The following TBC1D22B variants were observed in gnomAD, a reference collection of about 807,000 sequenced individuals.
TBC1D22B encodes TBC1 domain family member 22B.
A neutral mutation model predicts 69.1 loss-of-function variants in TBC1D22B; 32 were observed. The ratio of observed to expected loss-of-function variants is 0.46; its 90% confidence interval spans 0.35 to 0.62. The LOEUF (loss-of-function observed/expected upper bound fraction) is 0.62. Among genes scored for constraint, TBC1D22B ranks in the 20% least tolerant of loss-of-function variants. The pLI is 0.00. For missense variants in TBC1D22B, 462 were observed against 630.9 expected, an observed-to-expected ratio of 0.73 and a Z score of 2.87; for synonymous variants, 206 against 229.8, an observed-to-expected ratio of 0.90 and a Z score of 0.94.
chr6:37,298,815 G>C (rs1426822739), intron 8 of TBC1D22B, among the ~76,000 whole-genome samples: 1 of 151,998 alleles, frequency 6.6e-6, no homozygotes, highest in Middle Eastern at 3.2e-3. Context: ...AGAGTGTTGG[G>C]ATTACAGGCG....
intron 12 of TBC1D22B, among the ~76,000 whole-genome samples, chr6:37,324,651 T>C (rs1178808302): frequency 6.6e-6 from 1 of 151,284 alleles, no homozygotes; most frequent in Non-Finnish European, 1.5e-5. Flanking sequence ...AAAGTAAAAA[T>C]GAACAAAAAA....
At chr6:37,308,383 T>C (rs1460949967) in intron 8 of TBC1D22B, among the ~76,000 whole-genome samples, 1 of 152,222 alleles carries the variant, frequency 6.6e-6, no homozygotes, top group Non-Finnish European at 1.5e-5. Context: ...CCTCCCTTTC[T>C]CCACTGCTTT....
At chr6:37,314,105 T>G (rs1461729466) in intron 10 of TBC1D22B, among the ~76,000 whole-genome samples, 1 of 152,166 alleles carries the variant, frequency 6.6e-6, no homozygotes, top group Non-Finnish European at 1.5e-5. Context: ...TCCCCTTGGT[T>G]TCCTATCACC....
chr6:37,309,671 A>G (rs1413731851), intron 8 of TBC1D22B, among the ~76,000 whole-genome samples: 4 of 152,146 alleles, frequency 2.6e-5, no homozygotes, highest in African/African-American at 9.7e-5. Context: ...AGTCCTGGAG[A>G]AGAGTCTGCC....
intron 2 of TBC1D22B, among the ~76,000 whole-genome samples, chr6:37,272,102 C>A (rs1327017190): frequency 2.0e-5 from 3 of 151,944 alleles, no homozygotes; most frequent in African/African-American, 7.3e-5. Flanking sequence ...TAGGGTCGCT[C>A]TATTGAGGCT....
chr6:37,322,104 G>A (rs1029067158), intron 12 of TBC1D22B, among the ~76,000 whole-genome samples: 1 of 152,156 alleles, frequency 6.6e-6, no homozygotes, highest in African/African-American at 2.4e-5. Context: ...GTACAGTTGT[G>A]TACTACTAAG....
At position 37,304,907 on chromosome 6, in the gene TBC1D22B, C is replaced by G. The variant is rs1470786420; in HGVS notation, c.983-8011C>G. 3.9e-5 allele frequency among the ~76,000 whole-genome samples: 6 copies of G among 152,252 alleles called. No homozygotes were observed. In the South Asian group the frequency reaches 1.2e-3, roughly 32 times the overall value. ...ATAGAAACAAAGCAAGAAAGAGGGA[C>G]AGGGATGTGCCATGCTGGCAAGTGT... On this transcript the variant is annotated intron_variant, in intron 8 of 12. Coordinates refer to ENST00000373491, the MANE Select transcript of TBC1D22B (RefSeq NM_017772.4).
rs1444456629 is a variant in TBC1D22B, at chr6:37,292,336, A to C, written c.982+979A>C. On this transcript the variant is annotated intron_variant, in intron 8 of 12. Transcript: ENST00000373491. ...AACCCTTTGGAGAGGAGAGCATAAGAAATGTCTCACTTGGCCTATCCTATC... is the reference window on the plus strand; with the variant it reads ...AACCCTTTGGAGAGGAGAGCATAAGCAATGTCTCACTTGGCCTATCCTATC... Among the ~76,000 whole-genome samples, 5 of 152,270 alleles carry C rather than the reference A, an allele frequency of 3.3e-5. No individual in the cohort carries two copies. In the East Asian group the frequency reaches 9.6e-4, roughly 29 times the overall value.
intron 2 of TBC1D22B, among the ~76,000 whole-genome samples, chr6:37,274,264 A>G (rs1766594807): frequency 6.6e-6 from 1 of 152,236 alleles, no homozygotes; most frequent in Non-Finnish European, 1.5e-5. Context: ...ATCACTTGTC[A>G]GTGTCAAACA....
In TBC1D22B at chr6:37,331,247, C is replaced by T. The variant is rs577404302; in HGVS notation, c.*75C>T. 249 of 1,504,830 alleles carry T rather than the reference C, an allele frequency of 1.7e-4. 1 individual carries two copies. The highest frequency in any genetic ancestry group is 1.1e-3 in the South Asian group (98 of 85,520). 93.2% of individuals were successfully genotyped at this position (1,504,830 alleles called of 1,614,324 possible). A position where few individuals can be genotyped will look rare whatever the true frequency, so the allele number is the denominator to read the frequency against. On this transcript the variant is annotated 3_prime_UTR_variant, in exon 13 of 13. Coordinates refer to ENST00000373491, the MANE Select transcript of TBC1D22B (RefSeq NM_017772.4). Reference sequence around the variant, plus strand: ...TGATCACTGTGGCCACTGTGCGAGCCGTGGACCCCGGCCAGGAACCACTCC... The same window carrying T: ...TGATCACTGTGGCCACTGTGCGAGCTGTGGACCCCGGCCAGGAACCACTCC...
rs56060362 is a variant in TBC1D22B at position 37,294,271 on chromosome 6, A to C, written c.982+2914A>C. 3.9e-3 allele frequency among the ~76,000 whole-genome samples: 601 copies of C among 152,292 alleles called. 5 individuals are homozygous for C. Among genetic ancestry groups the C allele is most frequent in the African/African-American group, 0.014 (574 of 41,536 alleles). On this transcript the variant is annotated intron_variant, in intron 8 of 12. Coordinates refer to ENST00000373491, the MANE Select transcript of TBC1D22B (RefSeq NM_017772.4). ...CAGTGTAACCTTATACTCTGGCTAA[A>C]GCAATCCTCCTGCCCCTCCGAGTAG...
chr6:37,316,780 A>G lies in TBC1D22B; in HGVS notation c.1243A>G (p.Met415Val). ...FAFRWMNNLL[M>V]RELPLRCTIR... ...CTTCCGCTGGATGAACAACCTGCTT[A>G]TGCGGGAGCTTCCTCTTCGCTGCAC... The change falls in exon 11 of 13, where the codon ATG (methionine) becomes GTG (valine). Residue 415 changes from methionine to valine, a missense_variant. Physicochemically the swap from Met to Val is conservative, Grantham distance 21 (BLOSUM62 1). This residue lies in a region of TBC1D22B where 225 missense variants were observed against 375.4 expected (regional missense o/e 0.60). Coordinates refer to ENST00000373491, the MANE Select transcript of TBC1D22B (RefSeq NM_017772.4). The G allele has an allele frequency of 6.2e-7, 1 of 1,614,212 alleles. No homozygotes were observed. The highest frequency in any genetic ancestry group is 1.3e-5 in the African/African-American group (1 of 75,050).
chr6:37,282,847 A>G (rs1394690540), intron 4 of TBC1D22B, 35 bp from the exon 5 acceptor site: 1 of 1,608,964 alleles, frequency 6.2e-7, no homozygotes, highest in South Asian at 1.1e-5. Context: ...GCATTTGTGG[A>G]GAGTTAACCT....
At chr6:37,298,543 T>G (rs1295889926) in intron 8 of TBC1D22B, among the ~76,000 whole-genome samples, 2 of 136,652 alleles carry the variant, frequency 1.5e-5, no homozygotes, top group African/African-American at 2.9e-5. Context: ...CCTACAGTTT[T>G]TTTTTTTTTT....
intron 7 of TBC1D22B, among the ~76,000 whole-genome samples, chr6:37,287,789 G>A (rs965946288): frequency 6.6e-6 from 1 of 152,168 alleles, no homozygotes; most frequent in Admixed American, 6.5e-5. Flanking sequence ...GGACACATGG[G>A]TTGCTTTCAC....
chr6:37,287,827 G>A (rs1767055839), intron 7 of TBC1D22B, among the ~76,000 whole-genome samples: 1 of 152,206 alleles, frequency 6.6e-6, no homozygotes, highest in Non-Finnish European at 1.5e-5. Flanking sequence ...TAATGCTGCT[G>A]CTAGTATGGG....
chr6:37,281,605 A>G (rs1362055731), intron 3 of TBC1D22B, among the ~76,000 whole-genome samples: 4 of 152,188 alleles, frequency 2.6e-5, no homozygotes, highest in African/African-American at 9.7e-5. Context: ...GTGCGGGGAT[A>G]TTGATCCTTT....
intron 8 of TBC1D22B, among the ~76,000 whole-genome samples, chr6:37,305,655 C>T (rs1407058833): frequency 1.3e-5 from 2 of 151,902 alleles, no homozygotes; most frequent in Non-Finnish European, 2.9e-5. Flanking sequence ...GTAGCTGGGA[C>T]TACAGGCGCC....
intron 3 of TBC1D22B, among the ~76,000 whole-genome samples, chr6:37,279,964 AT>A (rs1424163650): frequency 2.6e-5 from 4 of 152,242 alleles, no homozygotes; most frequent in African/African-American, 7.2e-5. Flanking sequence ...TAACTGATGT[AT>A]TTAAAGCTGT....
Sources: gnomAD v4.1 joint callset for allele counts (sites outside exome capture counted in the v4.1 genomes callset) on GRCh38, gnomAD v4.1.1 for gene constraint, gnomAD v4.1.1 regional missense constraint, MANE v1.5 for transcripts, NCBI Gene and HGNC (gene_info 2026-07-23, HGNC 2026-07-21) for gene names.